NOL9: variants seen among roughly 807,000 people sequenced by gnomAD.
The protein encoded by NOL9 is nucleolar protein 9, also known as polynucleotide 5'-hydroxyl-kinase NOL9.
Under a neutral mutation model 67.9 loss-of-function variants are expected in NOL9, and 28 were observed. The observed-to-expected ratio is 0.41, with a 90% CI of 0.31 to 0.57. NOL9 has a LOEUF of 0.57. Among genes scored for constraint, NOL9 ranks in the 20% least tolerant of loss-of-function variants. The probability of loss-of-function intolerance (pLI) is 0.25; values close to 1 mark genes in which losing one functional copy is unlikely to be tolerated. For missense variants in NOL9, 777 were observed against 897.0 expected (o/e 0.87, Z 1.71); for synonymous variants, 356 against 352.2 (o/e 1.01, Z -0.12).
rs1638864888 is a variant in NOL9, at chr1:6,525,550, C to T, written c.*304G>A. ...CTTATTTTTATCCTGATTCTAATAA[C>T]CAGGTCCCTGAAGAACTTTCTGAGG... On this transcript the variant is annotated 3_prime_UTR_variant, in exon 12 of 12. Transcript: ENST00000377705. 3.1e-6 allele frequency: 1 copy of T among 324,786 alleles called. No individual in the cohort carries two copies. The highest frequency in any genetic ancestry group is 5.7e-6 in the Non-Finnish European group (1 of 176,814). The allele number at this position is 324,786 out of a possible 1,614,324, so 20.1% of individuals were successfully genotyped here. A position where few individuals can be genotyped will look rare whatever the true frequency, so the allele number is the denominator to read the frequency against.
At chr1:6,539,400 A>C (rs1159244552) in intron 6 of NOL9, among the ~76,000 whole-genome samples, 1 of 152,268 alleles carries the variant, frequency 6.6e-6, no homozygotes, top group Non-Finnish European at 1.5e-5. Context: ...GAAAGAAGCC[A>C]AGTGTCCCTT....
chr1:6,542,295 G>C (rs916320954), intron 5 of NOL9, among the ~76,000 whole-genome samples: 2 of 151,480 alleles, frequency 1.3e-5, no homozygotes, highest in Non-Finnish European at 2.9e-5. Context: ...GGAGTAGCTG[G>C]GACTACAGGC....
At chr1:6,544,778 T>A in intron 5 of NOL9, 48 bp downstream of exon 5, 1 of 1,595,670 alleles carries the variant, frequency 6.3e-7, no homozygotes, top group Non-Finnish European at 8.6e-7. Flanking sequence ...TCCCACTTCA[T>A]GACAAAAACC....
intron 6 of NOL9, among the ~76,000 whole-genome samples, chr1:6,541,289 C>A (rs1639285707): frequency 6.6e-6 from 1 of 152,144 alleles, no homozygotes; most frequent in Non-Finnish European, 1.5e-5. Flanking sequence ...TCAAGCAATT[C>A]TCCTGCTTCA....
At position 6,532,765 on chromosome 1, in the gene NOL9, G is replaced by A. The variant is rs1189780033; in HGVS notation, c.1238-5C>T. 1.9e-6 allele frequency: 3 copies of A among 1,608,566 alleles called. No individual in the cohort carries two copies. Among genetic ancestry groups the A allele is most frequent in the East Asian group, 2.2e-5 (1 of 44,792 alleles). ...TGAGAAGCAGGAGCCCCTGGTCTGT[G>A]GGGAAGAGACATTAGCACAGCTGAT... is the stretch of plus-strand genomic sequence containing the variant. On this transcript the variant is annotated splice_region_variant and splice_polypyrimidine_tract_variant and intron_variant, in intron 7 of 11. Transcript: ENST00000377705.
intron 11 of NOL9, 119 bp downstream of exon 11, chr1:6,526,577 A>T (rs1368250780): frequency 8.5e-6 from 9 of 1,056,650 alleles, no homozygotes; most frequent in African/African-American, 1.6e-5. Flanking sequence ...CTCAGGATCT[A>T]CAACAAAGTA....
chr1:6,527,747 C>T (rs917927535), intron 10 of NOL9, among the ~76,000 whole-genome samples: 5 of 151,922 alleles, frequency 3.3e-5, no homozygotes, highest in Admixed American at 1.3e-4. Context: ...GGCTGACCAA[C>T]GTGGTGAAAC....
Position 6,525,794 on chromosome 1 carries a change from T to A in NOL9, c.*60A>T. On this transcript the variant is annotated 3_prime_UTR_variant, in exon 12 of 12. Coordinates refer to ENST00000377705, the MANE Select transcript of NOL9 (RefSeq NM_024654.5). ...TGAAACTCCATCATGTCTCTTGTGGTCAGGCTTGAGACAAAGCTTTCTGGT... is the reference window on the plus strand; with the variant it reads ...TGAAACTCCATCATGTCTCTTGTGGACAGGCTTGAGACAAAGCTTTCTGGT... The A allele has an allele frequency of 6.4e-7, 1 of 1,574,714 alleles. No homozygotes were observed. The highest frequency in any genetic ancestry group is 1.4e-5 in the African/African-American group (1 of 73,826).
In NOL9 at chr1:6,550,635, G is replaced by GA. The variant is rs950277589; in HGVS notation, c.397-21dup. The GA allele has an allele frequency of 3.6e-6, 5 of 1,376,136 alleles. No individual in the cohort carries two copies. Among genetic ancestry groups the GA allele is most frequent in the African/African-American group, 2.9e-5 (2 of 68,362 alleles). The allele number at this position is 1,376,136 out of a possible 1,614,324, so 85.2% of individuals were successfully genotyped here. The stretch of plus-strand genomic sequence containing the variant: ...AAAACCCTAGCAGGGAGAGAAAACA[G>GA]AAAAAACATTATAGATCATGTCACT... On this transcript the variant is annotated intron_variant, in intron 1 of 11. Transcript: ENST00000377705.
At position 6,545,167 on chromosome 1, in the gene NOL9, T is replaced by C. The variant is rs769226254; in HGVS notation, c.758A>G (p.Gln253Arg). The change falls in exon 4 of 12, where the codon CAG becomes CGG. Residue 253 changes from glutamine (Q) to arginine (R), a missense_variant. Gln to Arg is a conservative substitution (Grantham distance 43). Around this residue, in one of 2 missense-constraint regions of NOL9, gnomAD observed 364 missense variants for 344.4 expected, o/e 1.06. Transcript: ENST00000377705. ...YIFVQESPTP[Q>R]IKPEYLALRS... Reference sequence around the variant, plus strand: ...CAAGGCTAAATATTCAGGTTTAATCTGGGGAGTTGGACTCTGAAATCAACA... The same window carrying C: ...CAAGGCTAAATATTCAGGTTTAATCCGGGGAGTTGGACTCTGAAATCAACA... 1 of 1,611,526 alleles carries C rather than the reference T, an allele frequency of 6.2e-7. No individual in the cohort carries two copies. The highest frequency in any genetic ancestry group is 1.1e-5 in the South Asian group (1 of 90,652).
chr1:6,528,450 G>C (rs1487129322), intron 10 of NOL9, among the ~76,000 whole-genome samples: 2 of 152,220 alleles, frequency 1.3e-5, no homozygotes, highest in African/African-American at 2.4e-5. Context: ...CTAATGGGCT[G>C]AAAGTACCAA....
chr1:6,543,953 T>C (rs151123345), intron 5 of NOL9, among the ~76,000 whole-genome samples: 2 of 152,236 alleles, frequency 1.3e-5, no homozygotes, highest in African/African-American at 4.8e-5. Context: ...TGGTGGAACC[T>C]TGTCTCTACT....
chr1:6,545,056 T>A lies in NOL9; in HGVS notation c.869A>T (p.Asn290Ile), dbSNP rs141437776. ...STLSALEELV[N>I]VSCEEVDGCP... ...TGTGTATTACTCACCACAGGAAACA[T>A]TGACTAACTCTTCCAGGGCTGAAAG... Residue 290 changes from asparagine to isoleucine, a missense_variant, in exon 4 of 12, where the codon AAT becomes ATT. Physicochemically the swap from Asn to Ile is moderately radical, Grantham distance 149 (BLOSUM62 -3). This residue lies in a region of NOL9 where 413 missense variants were observed against 552.6 expected (regional missense o/e 0.75). Transcript: ENST00000377705. The A allele has an allele frequency of 5.6e-6, 9 of 1,614,052 alleles. No individual in the cohort carries two copies. The highest frequency in any genetic ancestry group is 7.6e-6 in the Non-Finnish European group (9 of 1,180,030).
intron 1 of NOL9, 97 bp downstream of exon 1, chr1:6,554,010 C>CG: frequency 9.7e-7 from 1 of 1,031,980 alleles, no homozygotes; most frequent in South Asian, 1.7e-5. Flanking sequence ...AGAACAGGCC[C>CG]GGGGGACCAC....
chr1:6,536,006 C>A (rs940801728), intron 6 of NOL9, among the ~76,000 whole-genome samples: 1 of 152,044 alleles, frequency 6.6e-6, no homozygotes, highest in African/African-American at 2.4e-5. Context: ...TGGTCCAGAC[C>A]GGGCTACAAA....
intron 9 of NOL9, 121 bp from the exon 10 acceptor site, chr1:6,529,292 C>T: frequency 1.1e-6 from 1 of 891,290 alleles, no homozygotes; most frequent in Middle Eastern, 2.4e-4. Context: ...TCAAAAGTAT[C>T]TCTAAAGAAT....
intron 1 of NOL9, among the ~76,000 whole-genome samples, 189 bp downstream of exon 1, chr1:6,553,918 G>T (rs1344097452): frequency 6.6e-6 from 1 of 152,126 alleles, no homozygotes; most frequent in East Asian, 1.9e-4. Context: ...CCCTTAGCAG[G>T]GTACCTGTTA....
At chr1:6,537,647 T>C (rs1227422743) in intron 6 of NOL9, among the ~76,000 whole-genome samples, 1 of 152,148 alleles carries the variant, frequency 6.6e-6, no homozygotes, top group African/African-American at 2.4e-5. Flanking sequence ...TGTACACTGA[T>C]GAAACAGAAA....
At chr1:6,545,298 T>C in intron 3 of NOL9, 118 bp from the exon 4 acceptor site, 1 of 1,013,980 alleles carries the variant, frequency 9.9e-7, no homozygotes, top group East Asian at 2.5e-5. Flanking sequence ...CCTCCCTTTG[T>C]CTCCTGCCCC....
Sources: allele counts gnomAD v4.1 joint callset (sites outside exome capture counted in the v4.1 genomes callset), GRCh38; gene constraint gnomAD v4.1.1; regional missense constraint gnomAD v4.1.1; transcripts MANE v1.5; gene names NCBI Gene and HGNC (gene_info 2026-07-23, HGNC 2026-07-21).